SAMD12: variants seen among roughly 807,000 people sequenced by gnomAD.
The protein encoded by SAMD12 is sterile alpha motif domain containing 12.
Under a neutral mutation model 15.0 loss-of-function variants are expected in SAMD12, and 9 were observed. The observed-to-expected ratio is 0.60, with a 90% confidence interval of 0.36 to 1.05. The LOEUF (loss-of-function observed/expected upper bound fraction) is 1.05. Ranked by LOEUF, SAMD12 falls within the 50% of genes least tolerant of loss-of-function variation. SAMD12 has a pLI of 0.01. For synonymous variants in SAMD12, 86 were observed against 90.1 expected (o/e 0.96, Z 0.25); for missense variants, 230 against 234.2 (o/e 0.98, Z 0.12).
chr8:118,618,189 G>A (rs564596539), intron 1 of SAMD12, among the ~76,000 whole-genome samples: 2 of 152,252 alleles, frequency 1.3e-5, no homozygotes, highest in South Asian at 4.1e-4. Flanking sequence ...TAAATAGGAT[G>A]TTGCAAATAA....
chr8:118,358,020 C>T (rs971604660), intron 4 of SAMD12, among the ~76,000 whole-genome samples: 4 of 152,130 alleles, frequency 2.6e-5, no homozygotes, highest in African/African-American at 9.7e-5. Flanking sequence ...TGGTGCACAC[C>T]TCTAGTCCCA....
intron 4 of SAMD12, among the ~76,000 whole-genome samples, chr8:118,326,148 A>G (rs1297340614): frequency 1.3e-5 from 2 of 152,322 alleles, no homozygotes; most frequent in Non-Finnish European, 2.9e-5. Context: ...AATTGGATAC[A>G]TATATGTATA....
At chr8:118,332,855 T>A (rs990318550) in intron 4 of SAMD12, among the ~76,000 whole-genome samples, 2 of 152,238 alleles carry the variant, frequency 1.3e-5, no homozygotes, top group African/African-American at 4.8e-5. Context: ...CTTTCCCTTG[T>A]TAAGTCTCAG....
At chr8:118,313,510 A>G (rs559452243) in intron 4 of SAMD12, among the ~76,000 whole-genome samples, 1 of 152,094 alleles carries the variant, frequency 6.6e-6, no homozygotes, top group Non-Finnish European at 1.5e-5. Flanking sequence ...GGCAACCCCA[A>G]AGTGCTAAAG....
the SAMD12 span, among the ~76,000 whole-genome samples, chr8:118,133,014 AT>A: frequency 3.8e-5 from 4 of 103,950 alleles, no homozygotes; most frequent in Admixed American, 2.0e-4. Context: ...ATATATATAT[AT>A]ATATATATAT....
At chr8:118,369,055 T>C (rs1042180889) in intron 4 of SAMD12, among the ~76,000 whole-genome samples, 1 of 152,206 alleles carries the variant, frequency 6.6e-6, no homozygotes. Flanking sequence ...CATCATTCTA[T>C]CCTTATTGCT....
chr8:118,266,087 T>C (rs1367095005), intron 4 of SAMD12, among the ~76,000 whole-genome samples: 4 of 152,132 alleles, frequency 2.6e-5, no homozygotes, highest in Non-Finnish European at 5.9e-5. Flanking sequence ...ATGTCTTATA[T>C]GGTGGCAGGC....
intron 2 of SAMD12, among the ~76,000 whole-genome samples, chr8:118,456,675 T>C (rs1160090432): frequency 6.6e-6 from 1 of 152,254 alleles, no homozygotes; most frequent in African/African-American, 2.4e-5. Context: ...TGTGGATCTG[T>C]ATTAAAATAT....
In SAMD12 at chr8:118,483,583, AT is replaced by A. The variant is rs543382466; in HGVS notation, c.193-43623del. The stretch of plus-strand genomic sequence containing the variant: ...ACTTTGATTTTGTCAATAAGATGAA[AT>A]TTAAGTATTACAATGCATATATAGA... On this transcript the variant is annotated intron_variant, in intron 2 of 3. Transcript: ENST00000314727. Among the ~76,000 whole-genome samples the A allele has an allele frequency of 4.7e-3, 716 of 152,294 alleles. 6 individuals are homozygous for A. The highest frequency in any genetic ancestry group is 0.015 in the African/African-American group (638 of 41,560).
At chr8:118,207,929 T>TC (rs35665937) in intron 4 of SAMD12, among the ~76,000 whole-genome samples, 307 of 5,408 alleles carry the variant, frequency 0.057, 1 homozygote, top group Non-Finnish European at 0.12. Flanking sequence ...TAAATACTCC[T>TC]TTTTTTTTTT....
At chr8:118,548,834 C>T (rs906548956) in intron 2 of SAMD12, among the ~76,000 whole-genome samples, 2 of 152,250 alleles carry the variant, frequency 1.3e-5, no homozygotes, top group Non-Finnish European at 2.9e-5. Flanking sequence ...ACATACTGTG[C>T]TTTTCCGACA....
the SAMD12 span, among the ~76,000 whole-genome samples, chr8:118,155,496 C>A: frequency 6.6e-6 from 1 of 152,228 alleles, no homozygotes; most frequent in South Asian, 2.1e-4. Context: ...CTGTCTCTGG[C>A]ATCCCATCTG....
chr8:118,621,466 G>A (rs1175139437), intron 1 of SAMD12: 2 of 381,348 alleles, frequency 5.2e-6, no homozygotes, highest in Non-Finnish European at 4.8e-6. Flanking sequence ...GGAGGGAGGG[G>A]GCAGGGAAAA....
chr8:118,531,336 G>A (rs1007791330), intron 2 of SAMD12, among the ~76,000 whole-genome samples: 7 of 152,208 alleles, frequency 4.6e-5, no homozygotes, highest in Admixed American at 2.0e-4. Context: ...CTGTAGCCTT[G>A]TAGTATAGTT....
chr8:118,169,628 G>A, the SAMD12 span, among the ~76,000 whole-genome samples: 1 of 152,188 alleles, frequency 6.6e-6, no homozygotes, highest in East Asian at 1.9e-4. Context: ...GTTATGTGCA[G>A]AAATCCACTG....
In SAMD12 at chr8:118,286,759, A is replaced by G. The variant is rs191474425; in HGVS notation, c.434-89027T>C. Among the ~76,000 whole-genome samples, 235 of 152,322 alleles carry G rather than the reference A, an allele frequency of 1.5e-3. 1 individual carries two copies. The highest frequency in any genetic ancestry group is 4.7e-3 in the African/African-American group (194 of 41,582). ...GTGCTAGTAGGACAAGGTAGATTCC[A>G]TTGAGAATGGTAAAGGAGGTTTGGA... is the stretch of plus-strand genomic sequence containing the variant. On this transcript the variant is annotated intron_variant, in intron 4 of 4. Coordinates refer to the SAMD12 transcript ENST00000409003.
chr8:118,432,734 G>A (rs1822452197), intron 3 of SAMD12, among the ~76,000 whole-genome samples: 1 of 152,102 alleles, frequency 6.6e-6, no homozygotes. Context: ...CAGGTGAATG[G>A]GTGGGTGTCA....
intron 4 of SAMD12, among the ~76,000 whole-genome samples, chr8:118,322,190 T>C (rs1304524330): frequency 6.6e-6 from 1 of 152,214 alleles, no homozygotes; most frequent in African/African-American, 2.4e-5. Flanking sequence ...AAATGCCTTC[T>C]CAGAGGTGTC....
In SAMD12 at chr8:118,564,108, TACC is replaced by T. The variant is rs551138642; in HGVS notation, c.192+16604_192+16606del. Among the ~76,000 whole-genome samples the T allele has an allele frequency of 2.0e-5, 3 of 152,304 alleles. No homozygotes were observed. In the South Asian group the frequency reaches 6.2e-4, roughly 32 times the overall value. ...TGATGTGTAAATGGTAAGCCACATA[TACC>T]AGATTTGCATAGAGGAGGTAAAAAT... On this transcript the variant is annotated intron_variant, in intron 2 of 3. Transcript: ENST00000314727.
Sources: gnomAD v4.1 joint callset for allele counts (sites outside exome capture counted in the v4.1 genomes callset) on GRCh38, gnomAD v4.1.1 for gene constraint, MANE v1.5 for transcripts, NCBI Gene and HGNC (gene_info 2026-07-23, HGNC 2026-07-21) for gene names.